The following POLR3B variants were observed in gnomAD, a reference collection of about 807,000 sequenced individuals.
The protein encoded by POLR3B is RNA polymerase III subunit B.
In POLR3B, 96 loss-of-function variants were observed where a neutral mutation model predicts 147.4. That is an observed-to-expected ratio of 0.65 (90% CI 0.55 to 0.77). POLR3B has a LOEUF of 0.77. Among genes scored for constraint, POLR3B ranks in the 30% least tolerant of loss-of-function variants. The pLI is 0.00. For missense variants in POLR3B, 1,036 were observed against 1,413.5 expected, an observed-to-expected ratio of 0.73 and a Z score of 4.28; for synonymous variants, 461 against 485.9, an observed-to-expected ratio of 0.95 and a Z score of 0.67.
chr12:106,470,985 C>G (rs536962095), intron 23 of POLR3B, among the ~76,000 whole-genome samples: 6 of 152,310 alleles, frequency 3.9e-5, no homozygotes, highest in African/African-American at 1.4e-4. Context: ...AACCACTGCT[C>G]TCTTCAGAGT....
At chr12:106,452,411 G>A (rs1030713322) in intron 19 of POLR3B, among the ~76,000 whole-genome samples, 3 of 152,216 alleles carry the variant, frequency 2.0e-5, no homozygotes, top group Admixed American at 2.0e-4. Flanking sequence ...TTCTGGGCCT[G>A]GTAGCACAAT....
chr12:106,443,911 G>T (rs576160392), intron 18 of POLR3B, among the ~76,000 whole-genome samples: 1 of 151,912 alleles, frequency 6.6e-6, no homozygotes, highest in African/African-American at 2.4e-5. Context: ...TGCAACCTCC[G>T]CCTCCCGGGT....
intron 12 of POLR3B, 75 bp downstream of exon 12, chr12:106,411,035 G>T: frequency 7.2e-7 from 1 of 1,387,338 alleles, no homozygotes; most frequent in East Asian, 2.3e-5. Context: ...CACATAAGAA[G>T]AAACATTTGA....
chr12:106,433,979 G>A (rs1001524282), intron 16 of POLR3B, 107 bp downstream of exon 16: 2 of 899,796 alleles, frequency 2.2e-6, no homozygotes, highest in Admixed American at 2.3e-5. Flanking sequence ...CTCTTTCATT[G>A]TGAAGATAAA....
intron 23 of POLR3B, among the ~76,000 whole-genome samples, chr12:106,477,747 G>T (rs2038196675): frequency 2.6e-5 from 4 of 152,030 alleles, no homozygotes; most frequent in Non-Finnish European, 5.9e-5. Context: ...GCACCCACTG[G>T]CCTGCGCCCA....
intron 4 of POLR3B, among the ~76,000 whole-genome samples, chr12:106,368,831 A>G (rs1267266323): frequency 2.6e-5 from 4 of 152,140 alleles, no homozygotes; most frequent in Non-Finnish European, 4.4e-5. Context: ...GCCACTCTCC[A>G]TAGGTAACCA....
intron 23 of POLR3B, among the ~76,000 whole-genome samples, chr12:106,494,149 A>C (rs934306100): frequency 3.9e-5 from 6 of 152,234 alleles, no homozygotes; most frequent in Non-Finnish European, 7.3e-5. Context: ...TGGAACGAGC[A>C]CTTTTTTCAT....
At chr12:106,419,068 A>G (rs917408055) in intron 12 of POLR3B, among the ~76,000 whole-genome samples, 2 of 152,208 alleles carry the variant, frequency 1.3e-5, no homozygotes, top group African/African-American at 2.4e-5. Flanking sequence ...GGTTAAGGGC[A>G]TTCGATTCTG....
chr12:106,365,344 G>A (rs2036520090), intron 2 of POLR3B, among the ~76,000 whole-genome samples: 1 of 152,044 alleles, frequency 6.6e-6, no homozygotes, highest in African/African-American at 2.4e-5. Context: ...TCTAAGTTGG[G>A]GAGTGACCAA....
Position 106,454,530 on chromosome 12 carries a change from A to G in POLR3B, c.2112A>G (p.Arg704=). 2.5e-6 allele frequency: 4 copies of G among 1,600,418 alleles called. No homozygotes were observed. The highest frequency in any genetic ancestry group is 3.4e-6 in the Non-Finnish European group (4 of 1,167,670). Reference sequence around the variant, plus strand: ...CTATAGGATACAACCAGCGAAACAGAATTGATACTCTCATGTATCTACTAG... The same window carrying G: ...CTATAGGATACAACCAGCGAAACAGGATTGATACTCTCATGTATCTACTAG... ...MGTIGYNQRN[R]IDTLMYLLAY... is the part of the protein sequence containing the mutation. The change falls in exon 20 of 28, where the codon AGA becomes AGG. Residue 704 remains arginine (R), a synonymous_variant. Coordinates refer to ENST00000228347, the MANE Select transcript of POLR3B (RefSeq NM_018082.6).
intron 23 of POLR3B, among the ~76,000 whole-genome samples, chr12:106,468,121 A>C (rs896236597): frequency 1.3e-5 from 2 of 152,102 alleles, no homozygotes; most frequent in African/African-American, 4.8e-5. Context: ...TTATTGCCTT[A>C]ATTTCAAAAC....
At chr12:106,469,314 C>G (rs904368703) in intron 23 of POLR3B, among the ~76,000 whole-genome samples, 2 of 146,612 alleles carry the variant, frequency 1.4e-5, no homozygotes, top group African/African-American at 5.1e-5. Flanking sequence ...AGATCTTCCT[C>G]CATCCCTTTA....
intron 11 of POLR3B, among the ~76,000 whole-genome samples, chr12:106,409,346 G>T (rs377601874): frequency 3.0e-5 from 2 of 67,472 alleles, no homozygotes; most frequent in African/African-American, 8.1e-5. Flanking sequence ...TTGTAAGAGG[G>T]TTTTTTTTGT....
At chr12:106,474,030 A>G (rs1452437946) in intron 23 of POLR3B, among the ~76,000 whole-genome samples, 3 of 123,754 alleles carry the variant, frequency 2.4e-5, no homozygotes, top group Non-Finnish European at 5.2e-5. Context: ...TTATTTTGAA[A>G]TACGTCCCAT....
At chr12:106,509,257 G>A (rs2038737187) in intron 27 of POLR3B, among the ~76,000 whole-genome samples, 163 bp from the exon 28 acceptor site, 1 of 151,966 alleles carries the variant, frequency 6.6e-6, no homozygotes, top group African/African-American at 2.4e-5. Context: ...CTTTTTTTCT[G>A]GGCACATACG....
chr12:106,397,930 G>A (rs1371191434), intron 10 of POLR3B, among the ~76,000 whole-genome samples: 2 of 152,244 alleles, frequency 1.3e-5, no homozygotes, highest in Non-Finnish European at 2.9e-5. Flanking sequence ...GACGCACTAA[G>A]ACGGGTGATT....
At chr12:106,407,821 C>T (rs2037169668) in intron 11 of POLR3B, among the ~76,000 whole-genome samples, 1 of 151,480 alleles carries the variant, frequency 6.6e-6, no homozygotes, top group Non-Finnish European at 1.5e-5. Context: ...AAGAGCAAAA[C>T]TCCGACTCAA....
rs1451438572 is a variant in POLR3B, at chr12:106,366,563, T to C, written c.153T>C (p.Ile51=). ...KQHIDSFNYF[I]NVEIKKIMKA... ...ATATAGATTCATTTAACTATTTCAT[T>C]AATGTAGAGGTAAGCATCAGATGTT... Residue 51 remains isoleucine, a synonymous_variant, in exon 3 of 28, where the codon ATT becomes ATC. Coordinates refer to ENST00000228347, the MANE Select transcript of POLR3B (RefSeq NM_018082.6). 1 of 1,606,946 alleles carries C rather than the reference T, an allele frequency of 6.2e-7. No individual in the cohort carries two copies.
chr12:106,376,731 C>CCT (rs2136897714), intron 7 of POLR3B, among the ~76,000 whole-genome samples: 1 of 152,192 alleles, frequency 6.6e-6, no homozygotes, highest in South Asian at 2.1e-4. Flanking sequence ...AATCCTCCCA[C>CCT]CTCAGCTTCC....
Sources: gnomAD v4.1 joint callset for allele counts (sites outside exome capture counted in the v4.1 genomes callset) on GRCh38, gnomAD v4.1.1 for gene constraint, MANE v1.5 for transcripts, NCBI Gene and HGNC (gene_info 2026-07-23, HGNC 2026-07-21) for gene names.